SHISA9: variants seen among roughly 807,000 people sequenced by gnomAD.
The protein encoded by SHISA9 is shisa family member 9.
Under a neutral mutation model 38.0 loss-of-function variants are expected in SHISA9, and 13 were observed. The observed-to-expected ratio is 0.34, with a 90% CI of 0.22 to 0.54. SHISA9 has a LOEUF of 0.54. Ranked by LOEUF, SHISA9 falls within the 20% of genes least tolerant of loss-of-function variation. The pLI, the probability that SHISA9 is intolerant of heterozygous loss-of-function variation, is 0.91. For missense variants in SHISA9, 538 were observed against 575.8 expected (o/e 0.93, Z 0.67); for synonymous variants, 275 against 242.0 (o/e 1.14, Z -1.27).
At chr16:12,971,121 T>G (rs1389692552) in intron 2 of SHISA9, among the ~76,000 whole-genome samples, 1 of 152,178 alleles carries the variant, frequency 6.6e-6, no homozygotes, top group Non-Finnish European at 1.5e-5. Context: ...AAGTCTCTCT[T>G]TTAGCTGTCT....
At chr16:12,977,422 C>T (rs781115762) in intron 2 of SHISA9, among the ~76,000 whole-genome samples, 1 of 152,076 alleles carries the variant, frequency 6.6e-6, no homozygotes, top group Non-Finnish European at 1.5e-5. Flanking sequence ...TCCTCAAAGA[C>T]CTAGAACCAG....
At chr16:13,458,486 A>G in the SHISA9 span, 545 of 394,440 alleles carry the variant, frequency 1.4e-3, 5 homozygotes, top group African/African-American at 0.011. Flanking sequence ...TTACAGCTAG[A>G]AATTGGTAAT....
chr16:12,996,175 T>A (rs2072454900), intron 2 of SHISA9, among the ~76,000 whole-genome samples: 1 of 152,202 alleles, frequency 6.6e-6, no homozygotes, highest in Non-Finnish European at 1.5e-5. Context: ...AGAAGGTGGA[T>A]CTGTCTGGCA....
the SHISA9 span, among the ~76,000 whole-genome samples, chr16:13,437,632 CCTGATAG>C: frequency 5.9e-5 from 9 of 152,202 alleles, no homozygotes; most frequent in South Asian, 1.9e-3. Flanking sequence ...CTGAGAAGAT[CCTGATAG>C]CTTGCAATTC....
downstream of SHISA9, among the ~76,000 whole-genome samples, chr16:13,242,451 C>T (rs1244772603): frequency 1.3e-5 from 2 of 152,228 alleles, no homozygotes; most frequent in East Asian, 1.9e-4. Context: ...CATCATCCAA[C>T]ATCTGTGGGA....
intron 2 of SHISA9, among the ~76,000 whole-genome samples, chr16:12,968,180 G>C (rs2072005409): frequency 9.7e-6 from 1 of 102,724 alleles, no homozygotes; most frequent in African/African-American, 3.9e-5. Flanking sequence ...ACAGAGGAAG[G>C]CTCCATCTCA....
At chr16:13,196,723 C>T (rs2050946983) in intron 2 of SHISA9, among the ~76,000 whole-genome samples, 1 of 152,182 alleles carries the variant, frequency 6.6e-6, no homozygotes, top group African/African-American at 2.4e-5. Context: ...CTGGAGGATA[C>T]AGGAACTCTC....
the SHISA9 span, among the ~76,000 whole-genome samples, chr16:13,373,260 G>A: frequency 6.6e-6 from 1 of 152,156 alleles, no homozygotes; most frequent in East Asian, 1.9e-4. Context: ...TAGCTGATTC[G>A]CCATAAAACA....
the SHISA9 span, among the ~76,000 whole-genome samples, chr16:13,464,686 A>G: frequency 1.2e-4 from 19 of 152,106 alleles, no homozygotes; most frequent in Non-Finnish European, 1.8e-4. Context: ...CTTTACTACA[A>G]ATATACAGTA....
chr16:13,001,787 A>G (rs1352874680), intron 2 of SHISA9, among the ~76,000 whole-genome samples: 2 of 152,248 alleles, frequency 1.3e-5, no homozygotes, highest in Admixed American at 6.5e-5. Flanking sequence ...GCATGCTGAC[A>G]TACTTAGGGA....
At chr16:13,101,509 T>C (rs2073878613) in intron 2 of SHISA9, among the ~76,000 whole-genome samples, 1 of 152,232 alleles carries the variant, frequency 6.6e-6, no homozygotes, top group Admixed American at 6.5e-5. Flanking sequence ...GTAACCAAAC[T>C]GAAGGCGTCA....
At chr16:13,120,206 C>T (rs1027425052) in intron 2 of SHISA9, among the ~76,000 whole-genome samples, 5 of 152,162 alleles carry the variant, frequency 3.3e-5, no homozygotes, top group South Asian at 2.1e-4. Flanking sequence ...TATCTTTGGC[C>T]AAGCTAGTTT....
chr16:13,137,170 T>A (rs1341446680), intron 2 of SHISA9, among the ~76,000 whole-genome samples: 1 of 152,176 alleles, frequency 6.6e-6, no homozygotes, highest in Non-Finnish European at 1.5e-5. Context: ...ACCTTCTGTA[T>A]CTGGCCAGAT....
At chr16:13,285,468 T>TTTTTTG in the SHISA9 span, among the ~76,000 whole-genome samples, 4 of 148,524 alleles carry the variant, frequency 2.7e-5, no homozygotes, top group African/African-American at 9.9e-5. Flanking sequence ...TGTAGTTTTT[T>TTTTTTG]TTTTTTTTTT....
At chr16:12,965,473 G>A (rs775110949) in intron 2 of SHISA9, among the ~76,000 whole-genome samples, 1 of 152,174 alleles carries the variant, frequency 6.6e-6, no homozygotes, top group African/African-American at 2.4e-5. Flanking sequence ...CACCTATCGT[G>A]TGGGAGGCAC....
intron 2 of SHISA9, among the ~76,000 whole-genome samples, chr16:12,970,358 T>TATACAC (rs2072044047): frequency 1.5e-5 from 1 of 68,034 alleles, no homozygotes; most frequent in African/African-American, 5.3e-5. Context: ...TATGTGTATA[T>TATACAC]ATATATATAT....
chr16:13,383,907 G>C, the SHISA9 span, among the ~76,000 whole-genome samples: 1 of 152,046 alleles, frequency 6.6e-6, no homozygotes, highest in South Asian at 2.1e-4. Context: ...CACCTGCCTC[G>C]GCCTCCCAAA....
chr16:13,427,788 G>A, the SHISA9 span, among the ~76,000 whole-genome samples: 1 of 152,200 alleles, frequency 6.6e-6, no homozygotes, highest in African/African-American at 2.4e-5. Flanking sequence ...GAGGCAAACA[G>A]GGTATTATTC....
At chr16:13,447,816 G>C in the SHISA9 span, among the ~76,000 whole-genome samples, 3 of 152,138 alleles carry the variant, frequency 2.0e-5, no homozygotes, top group African/African-American at 7.2e-5. Flanking sequence ...TGTGATTACT[G>C]TAGTGGGTAA....
Sources: allele counts gnomAD v4.1 joint callset (sites outside exome capture counted in the v4.1 genomes callset), GRCh38; gene constraint gnomAD v4.1.1; transcripts MANE v1.5; gene names NCBI Gene and HGNC (gene_info 2026-07-23, HGNC 2026-07-21).